Variants in NR4A1 observed in about 807,000 individuals in gnomAD.
The protein encoded by NR4A1 is nuclear receptor subfamily 4immunitygroup A member 1.
Under a neutral mutation model 47.5 loss-of-function variants are expected in NR4A1, and 24 were observed. The ratio of observed to expected loss-of-function variants is 0.50; its 90% CI spans 0.37 to 0.71. NR4A1 has a LOEUF of 0.71. NR4A1 is among the 30% of genes least tolerant of loss of function. NR4A1 has a pLI of 0.00. For synonymous variants in NR4A1, 353 were observed against 345.7 expected, an observed-to-expected ratio of 1.02 and a Z score of -0.24; for missense variants, 669 against 788.6, an observed-to-expected ratio of 0.85 and a Z score of 1.82.
At chr12:52,023,133 G>A (rs1044613240) in intron 1 of NR4A1, among the ~76,000 whole-genome samples, 1 of 152,240 alleles carries the variant, frequency 6.6e-6, no homozygotes, top group Non-Finnish European at 1.5e-5. Flanking sequence ...CCAGAGTTGG[G>A]GCTCAGCTTG....
chr12:52,052,303 G>GAA (rs1939016357), intron 1 of NR4A1, among the ~76,000 whole-genome samples: 23 of 136,756 alleles, frequency 1.7e-4, no homozygotes, highest in Admixed American at 1.4e-3. Flanking sequence ...GTGTGTGTGT[G>GAA]TGAGAGAGAG....
chr12:52,055,207 A>G lies in NR4A1; in HGVS notation c.876+3A>G, dbSNP rs778961294. The G allele has an allele frequency of 6.2e-7, 1 of 1,611,392 alleles. No individual in the cohort carries two copies. The highest frequency in any genetic ancestry group is 8.5e-7 in the Non-Finnish European group (1 of 1,179,990). The stretch of plus-strand genomic sequence containing the variant: ...AGGGCTGCAAGGGCTTCTTCAAGGT[A>G]CCGCGCAGCCCCAGGTGGGGCCTTT... On this transcript the variant is annotated splice_donor_region_variant and intron_variant, in intron 2 of 6. Transcript: ENST00000394825.
intron 1 of NR4A1, chr12:52,052,529 A>G: frequency 1.0e-6 from 1 of 985,398 alleles, no homozygotes; most frequent in Non-Finnish European, 1.2e-6. Context: ...TCAGCAGAAC[A>G]GGTGCAAGCC....
intron 1 of NR4A1, chr12:52,052,404 TGCTGCCTAGAGGATACCTCCC>T: frequency 1.2e-6 from 1 of 846,856 alleles, no homozygotes; most frequent in Non-Finnish European, 1.4e-6. Context: ...CTTGGGGCGG[TGCTGCCTAGAGGATACCTCCC>T]AACCATTCCA....
intron 1 of NR4A1, among the ~76,000 whole-genome samples, chr12:52,034,747 A>C (rs1194413844): frequency 6.6e-6 from 1 of 152,220 alleles, no homozygotes; most frequent in Non-Finnish European, 1.5e-5. Context: ...CATTGCTCCT[A>C]TCTGTGCAGC....
At chr12:52,038,186 TC>T in intron 1 of NR4A1, 1 of 604,274 alleles carries the variant, frequency 1.7e-6, no homozygotes, top group Non-Finnish European at 2.1e-6. Context: ...TGCCTCAGCC[TC>T]CAGAGTAGCT....
chr12:52,028,598 T>C (rs1938051212), intron 1 of NR4A1, among the ~76,000 whole-genome samples: 1 of 149,528 alleles, frequency 6.7e-6, no homozygotes, highest in South Asian at 2.1e-4. Flanking sequence ...ACAAAAAAGA[T>C]ACCTGCTTAA....
At chr12:52,047,674 C>T (rs1304742632), upstream of NR4A1, among the ~76,000 whole-genome samples, 3 of 152,164 alleles carry the variant, frequency 2.0e-5, no homozygotes, top group African/African-American at 7.2e-5. Context: ...GGCTGCAGGC[C>T]CAGATCTGGA....
chr12:52,024,791 T>TTAGG (rs1378322745), intron 1 of NR4A1, among the ~76,000 whole-genome samples: 26 of 152,224 alleles, frequency 1.7e-4, no homozygotes, highest in African/African-American at 6.0e-4. Context: ...AAACCTGGAT[T>TTAGG]TAGGTTCTTG....
chr12:52,058,698 G>T lies in NR4A1; in HGVS notation c.1551G>T (p.Gly517=), dbSNP rs1460258817. ...GTACCCTTCCCGCAGACCGGCATGG[G>T]CTGCAGGAGCCGCGGCGGGTGGAGG... ...SALVLITDRH[G]LQEPRRVEEL... is the part of the protein sequence containing the mutation. Residue 517 remains glycine (G), a synonymous_variant, in exon 7 of 7, where the codon GGG becomes GGT. Transcript: ENST00000394825. 5 of 1,605,788 alleles carry T rather than the reference G, an allele frequency of 3.1e-6. No homozygotes were observed. In the African/African-American group the frequency reaches 6.7e-5, roughly 21 times the overall value.
upstream of NR4A1, among the ~76,000 whole-genome samples, chr12:52,048,399 C>A (rs1279907611): frequency 2.0e-5 from 3 of 151,914 alleles, no homozygotes; most frequent in Non-Finnish European, 2.9e-5. Context: ...TCAAGACCAT[C>A]CTGGCTAACA....
At position 52,054,915 on chromosome 12, in the gene NR4A1, C is replaced by T. The variant is rs1372276356; in HGVS notation, c.587C>T (p.Thr196Ile). ...GCCTTCTTTTCCTTCAGTCCTCCCA[C>T]CGGCCCCAGCCCCAGCCTGGCCCAG... ...PPAFFSFSPPTGPSPSLAQSP... is the reference protein window; with the variant it reads ...PPAFFSFSPPIGPSPSLAQSP... Residue 196 changes from threonine (T) to isoleucine (I), a missense_variant, in exon 2 of 7, where the codon ACC (threonine) becomes ATC (isoleucine). Coordinates refer to ENST00000394825, the MANE Select transcript of NR4A1 (RefSeq NM_173157.3). 2 of 1,614,192 alleles carry T rather than the reference C, an allele frequency of 1.2e-6. No homozygotes were observed. The highest frequency in any genetic ancestry group is 1.7e-5 in the Admixed American group (1 of 60,030).
rs747292551 is a variant in NR4A1 at position 52,054,882 on chromosome 12, A to G, written c.554A>G (p.Gln185Arg). ...CTGCCCAAAGCCTCTGGGCCCCCAC[A>G]GCCTCCAGCCTTCTTTTCCTTCAGT... ...EQLPKASGPPQPPAFFSFSPP... is the reference protein window; with the variant it reads ...EQLPKASGPPRPPAFFSFSPP... Residue 185 changes from glutamine to arginine, a missense_variant, in exon 2 of 7, where the codon CAG (glutamine) becomes CGG (arginine). By Grantham distance (43) the Gln-to-Arg change is conservative. Transcript: ENST00000394825. 2 of 1,614,072 alleles carry G rather than the reference A, an allele frequency of 1.2e-6. No homozygotes were observed. The highest frequency in any genetic ancestry group is 1.7e-6 in the Non-Finnish European group (2 of 1,180,026).
chr12:52,043,652 C>A, intron 2 of NR4A1: 1 of 1,188,056 alleles, frequency 8.4e-7, no homozygotes, highest in Non-Finnish European at 1.1e-6. Flanking sequence ...AGTGGCTCCC[C>A]CCATCCCCAG....
At chr12:52,058,483 C>CA in intron 6 of NR4A1, 2 of 646,696 alleles carry the variant, frequency 3.1e-6, no homozygotes, top group Non-Finnish European at 5.0e-6. Flanking sequence ...CTCGGGTTCT[C>CA]ACTTGGAGTA....
chr12:52,037,189 C>CG, intron 1 of NR4A1: 1 of 170,378 alleles, frequency 5.9e-6, no homozygotes, highest in Non-Finnish European at 1.1e-5. Context: ...GGCGCGGGGG[C>CG]GGGGGGCGCC....
chr12:52,036,630 C>T (rs546258926), intron 1 of NR4A1, among the ~76,000 whole-genome samples: 27 of 152,358 alleles, frequency 1.8e-4, no homozygotes, highest in Admixed American at 4.6e-4. Flanking sequence ...TCGGGAAGTG[C>T]CCTCTTCAGG....
chr12:52,047,795 C>T (rs2121022676), upstream of NR4A1, among the ~76,000 whole-genome samples: 1 of 152,348 alleles, frequency 6.6e-6, no homozygotes, highest in East Asian at 1.9e-4. Flanking sequence ...CCACTTTTTA[C>T]AAATGCCAAG....
At chr12:52,038,386 C>T in intron 1 of NR4A1, 1 of 265,282 alleles carries the variant, frequency 3.8e-6, no homozygotes, top group East Asian at 9.6e-5. Flanking sequence ...TTTATGCCTT[C>T]GTTTTTGATA....
Sources: gnomAD v4.1 joint callset for allele counts (sites outside exome capture counted in the v4.1 genomes callset) on GRCh38, gnomAD v4.1.1 for gene constraint, MANE v1.5 for transcripts, NCBI Gene and HGNC (gene_info 2026-07-23, HGNC 2026-07-21) for gene names.